RBFOX1: variants seen among roughly 807,000 people sequenced by gnomAD.
RBFOX1 encodes the protein RNA binding protein fox-1 homolog 1.
Under a neutral mutation model 57.7 loss-of-function variants are expected in RBFOX1, and 8 were observed. That is an observed-to-expected ratio of 0.14 (90% confidence interval 0.08 to 0.25). The LOEUF (loss-of-function observed/expected upper bound fraction) is 0.25, where lower values mean the gene tolerates loss of function less well. Ranked by LOEUF, RBFOX1 falls within the 10% of genes least tolerant of loss-of-function variation. The pLI, the probability that RBFOX1 is intolerant of heterozygous loss-of-function variation, is 1.00. For missense variants in RBFOX1, 611 were observed against 548.5 expected, an observed-to-expected ratio of 1.11 and a Z score of -1.14; for synonymous variants, 326 against 222.4, an observed-to-expected ratio of 1.47 and a Z score of -4.15.
chr16:5,941,883 C>G (rs1011934192), intron 4 of RBFOX1, among the ~76,000 whole-genome samples: 1 of 151,830 alleles, frequency 6.6e-6, no homozygotes, highest in Non-Finnish European at 1.5e-5. Flanking sequence ...CGGCCTGAGT[C>G]TGCTTCAGAA....
At chr16:7,321,086 T>TACATAC in intron 4 of RBFOX1, among the ~76,000 whole-genome samples, 1 of 134,730 alleles carries the variant, frequency 7.4e-6, no homozygotes, top group East Asian at 2.0e-4. Context: ...CGTATACATA[T>TACATAC]ACATATACAT....
intron 4 of RBFOX1, among the ~76,000 whole-genome samples, chr16:7,083,220 A>C (rs2059463587): frequency 1.3e-5 from 2 of 151,970 alleles, no homozygotes; most frequent in African/African-American, 4.8e-5. Context: ...CGTCTGTTTA[A>C]CCTCTGGACT....
intron 2 of RBFOX1, among the ~76,000 whole-genome samples, chr16:6,349,448 C>G (rs1488417415): frequency 1.3e-5 from 2 of 152,062 alleles, no homozygotes; most frequent in Non-Finnish European, 2.9e-5. Flanking sequence ...TAAAGCTACC[C>G]CATAGAATTA....
At chr16:6,256,205 A>ATGTGTATATATATGTATATG (rs2097663338) in intron 1 of RBFOX1, among the ~76,000 whole-genome samples, 1 of 36,446 alleles carries the variant, frequency 2.7e-5, no homozygotes, top group Non-Finnish European at 7.3e-5. Flanking sequence ...ATGTATATGT[A>ATGTGTATATATATGTATATG]TATGTGTATA....
At chr16:7,584,071 C>T (rs868535864) in intron 6 of RBFOX1, among the ~76,000 whole-genome samples, 3 of 152,186 alleles carry the variant, frequency 2.0e-5, no homozygotes, top group Non-Finnish European at 2.9e-5. Flanking sequence ...GTACCTTCTA[C>T]TTCTGCATTC....
At chr16:7,448,678 G>A (rs889698319) in intron 4 of RBFOX1, among the ~76,000 whole-genome samples, 1 of 152,134 alleles carries the variant, frequency 6.6e-6, no homozygotes, top group African/African-American at 2.4e-5. Context: ...TTCTCTCCTG[G>A]CTCCTGGTGG....
At chr16:7,103,192 T>A (rs1166299286) in intron 4 of RBFOX1, among the ~76,000 whole-genome samples, 1 of 152,204 alleles carries the variant, frequency 6.6e-6, no homozygotes, top group African/African-American at 2.4e-5. Flanking sequence ...CAAGTTGTGA[T>A]TTTTAAAGAG....
chr16:6,371,695 A>G (rs1206360099), intron 2 of RBFOX1, among the ~76,000 whole-genome samples: 3 of 152,154 alleles, frequency 2.0e-5, no homozygotes, highest in African/African-American at 7.2e-5. Flanking sequence ...CTGGGCGATT[A>G]TGGCTTCTGG....
intron 4 of RBFOX1, among the ~76,000 whole-genome samples, chr16:7,097,538 A>G (rs2061909836): frequency 6.6e-6 from 1 of 152,182 alleles, no homozygotes; most frequent in Non-Finnish European, 1.5e-5. Flanking sequence ...TTGTGGAATC[A>G]TTTCTTTCTA....
chr16:7,474,308 A>G (rs922739546), intron 4 of RBFOX1, among the ~76,000 whole-genome samples: 1 of 151,822 alleles, frequency 6.6e-6, no homozygotes, highest in Admixed American at 6.6e-5. Context: ...AAAACAAACA[A>G]ACAAAAAGCA....
At position 6,954,397 on chromosome 16, in the gene RBFOX1, C is replaced by T. The variant is rs192309412; in HGVS notation, c.-15-97660C>T. ...GTAGTTCCGGCATGCATAGATGTGTCCCTCGTTTGCATTTAATGATTGGCA... is the reference window on the plus strand; with the variant it reads ...GTAGTTCCGGCATGCATAGATGTGTTCCTCGTTTGCATTTAATGATTGGCA... On this transcript the variant is annotated intron_variant, in intron 3 of 15. Transcript: ENST00000550418. Among the ~76,000 whole-genome samples the T allele has an allele frequency of 5.3e-5, 8 of 152,118 alleles. No individual in the cohort carries two copies. The East Asian group carries it at 9.7e-4, about 18-fold the overall frequency.
In RBFOX1 at chr16:6,922,342, T is replaced by C. The variant is rs1416955478; in HGVS notation, c.-15-129715T>C. ...GAGTGTCCGGTGGTAATGGCAAGTTTCGCATGCTGCAGCCCCTTGCAAGCC... is the reference window on the plus strand; with the variant it reads ...GAGTGTCCGGTGGTAATGGCAAGTTCCGCATGCTGCAGCCCCTTGCAAGCC... On this transcript the variant is annotated intron_variant, in intron 3 of 15. Transcript: ENST00000550418. 3.3e-5 allele frequency among the ~76,000 whole-genome samples: 5 copies of C among 152,190 alleles called. No individual in the cohort carries two copies. The East Asian group carries it at 9.6e-4, about 29-fold the overall frequency.
At chr16:7,462,835 C>G (rs1001417228) in intron 4 of RBFOX1, among the ~76,000 whole-genome samples, 5 of 152,174 alleles carry the variant, frequency 3.3e-5, no homozygotes, top group African/African-American at 9.6e-5. Flanking sequence ...TGCTTTGAAT[C>G]TCTCCATGTT....
intron 2 of RBFOX1, among the ~76,000 whole-genome samples, chr16:6,650,289 T>G (rs1304254253): frequency 8.1e-6 from 1 of 122,750 alleles, no homozygotes; most frequent in Admixed American, 8.7e-5. Flanking sequence ...TATTTATTTT[T>G]TTCTTTTTTT....
chr16:7,332,958 T>C (rs375296441), intron 4 of RBFOX1: 18 of 1,612,468 alleles, frequency 1.1e-5, no homozygotes, highest in Non-Finnish European at 1.4e-5. Context: ...TAACTCTCCA[T>C]TGATGTGTTG....
intron 2 of RBFOX1, among the ~76,000 whole-genome samples, chr16:6,529,549 C>T (rs1330472702): frequency 1.4e-5 from 2 of 147,734 alleles, no homozygotes; most frequent in Non-Finnish European, 3.0e-5. Flanking sequence ...ACAGAGACTC[C>T]ATCTCAAATA....
intron 3 of RBFOX1, among the ~76,000 whole-genome samples, chr16:5,694,934 TTTAG>T (rs1328355703): frequency 1.3e-5 from 2 of 151,866 alleles, no homozygotes; most frequent in Non-Finnish European, 2.9e-5. Context: ...TTAAGTAGTG[TTTAG>T]TTAGTAATGG....
rs1202357608 is a variant in RBFOX1 at position 6,451,085 on chromosome 16, C to T, written c.-64+134028C>T. On this transcript the variant is annotated intron_variant, in intron 2 of 15. Coordinates refer to ENST00000550418, the MANE Select transcript of RBFOX1 (RefSeq NM_018723.4). ...TTCACCATTGAGTGTCTCAGTTACC[C>T]CGATGTCCACTCTTCCTTTCTCATC... Among the ~76,000 whole-genome samples the T allele has an allele frequency of 3.3e-5, 5 of 151,088 alleles. No homozygotes were observed. The East Asian group carries it at 9.8e-4, about 30-fold the overall frequency.
chr16:7,126,821 A>G (rs1337195532), intron 4 of RBFOX1, among the ~76,000 whole-genome samples: 3 of 152,014 alleles, frequency 2.0e-5, no homozygotes, highest in Admixed American at 6.6e-5. Context: ...AGCCTGGCCA[A>G]TACGGTGAAA....
Sources: allele counts gnomAD v4.1 joint callset (sites outside exome capture counted in the v4.1 genomes callset), GRCh38; gene constraint gnomAD v4.1.1; transcripts MANE v1.5; gene names NCBI Gene and HGNC (gene_info 2026-07-23, HGNC 2026-07-21).